The following RTTN variants were observed in gnomAD, a reference collection of about 807,000 sequenced individuals.
RTTN encodes rotatin.
In RTTN, 182 loss-of-function variants were observed where a neutral mutation model predicts 269.2. The ratio of observed to expected loss-of-function variants is 0.68; its 90% CI spans 0.60 to 0.76. The LOEUF (loss-of-function observed/expected upper bound fraction) is 0.76. Among genes scored for constraint, RTTN ranks in the 30% least tolerant of loss-of-function variants. The pLI is 0.00. For missense variants in RTTN, 2,545 were observed against 2,608.6 expected (o/e 0.98, Z 0.53); for synonymous variants, 1,006 against 963.5 (o/e 1.04, Z -0.82).
intron 10 of RTTN, among the ~76,000 whole-genome samples, chr18:70,183,166 T>C (rs1363701775): frequency 6.6e-6 from 1 of 152,220 alleles, no homozygotes; most frequent in Non-Finnish European, 1.5e-5. Context: ...AGAGTCCTAC[T>C]ATACCTGAAA....
At chr18:70,178,705 A>C (rs57305630) in intron 10 of RTTN, among the ~76,000 whole-genome samples, 13,806 of 152,068 alleles carry the variant, frequency 0.091, 1,392 homozygotes, top group African/African-American at 0.25. Flanking sequence ...AAAAAAGAAA[A>C]TAAAATTCTA....
At chr18:70,178,728 G>A (rs1429189581) in intron 10 of RTTN, among the ~76,000 whole-genome samples, 1 of 151,940 alleles carries the variant, frequency 6.6e-6, no homozygotes, top group Non-Finnish European at 1.5e-5. Flanking sequence ...AAAACTTTGT[G>A]AATAAAAGGT....
At position 70,165,991 on chromosome 18, in the gene RTTN, G is replaced by C; in HGVS notation, c.1929+71C>G. On this transcript the variant is annotated intron_variant, in intron 14 of 48. Coordinates refer to ENST00000640769, the MANE Select transcript of RTTN (RefSeq NM_173630.4). ...TCATACAAAAGGTCAAGTAAATTAA[G>C]TTTGAAGGTATAACAAGAGAGTCTA... 3 of 1,475,578 alleles carry C rather than the reference G, an allele frequency of 2.0e-6. No homozygotes were observed. The South Asian group carries it at 3.7e-5, about 18-fold the overall frequency. 91.4% of individuals were successfully genotyped at this position (1,475,578 alleles called of 1,614,324 possible). A position where few individuals can be genotyped will look rare whatever the true frequency, so the allele number is the denominator to read the frequency against.
In RTTN at chr18:70,020,711, G is replaced by A. The variant is rs1299890288; in HGVS notation, c.6057C>T (p.Ser2019=). 6.2e-7 allele frequency: 1 copy of A among 1,613,888 alleles called. No individual in the cohort carries two copies. The highest frequency in any genetic ancestry group is 1.3e-5 in the African/African-American group (1 of 74,882). ...SLMLCILKLA[S]QMPLENTTVQ... is the part of the protein sequence containing the mutation. The stretch of plus-strand genomic sequence containing the variant: ...CCGTGGTGTTCTCCAGTGGCATCTG[G>A]GAAGCCAACTTTAGGATACACAGCA... The change falls in exon 45 of 49, where the codon TCC becomes TCT. Residue 2019 remains serine, a synonymous_variant. Coordinates refer to ENST00000640769, the MANE Select transcript of RTTN (RefSeq NM_173630.4).
At chr18:70,164,678 G>A (rs1470985932) in intron 14 of RTTN, among the ~76,000 whole-genome samples, 1 of 152,010 alleles carries the variant, frequency 6.6e-6, no homozygotes, top group Non-Finnish European at 1.5e-5. Flanking sequence ...AGACACAAAG[G>A]GTAAACTAAG....
intron 28 of RTTN, among the ~76,000 whole-genome samples, chr18:70,098,258 A>G (rs941714339): frequency 6.6e-6 from 1 of 152,212 alleles, no homozygotes; most frequent in Admixed American, 6.5e-5. Flanking sequence ...AAAAGTTAGA[A>G]AGATCTCAAA....
chr18:70,041,473 G>A (rs993827587), intron 40 of RTTN, among the ~76,000 whole-genome samples: 1 of 152,076 alleles, frequency 6.6e-6, no homozygotes, highest in Admixed American at 6.5e-5. Flanking sequence ...ATTCTAAGTG[G>A]TGAGTGGGGA....
At chr18:70,042,449 C>T (rs925817588) in intron 40 of RTTN, among the ~76,000 whole-genome samples, 2 of 138,338 alleles carry the variant, frequency 1.4e-5, no homozygotes, top group African/African-American at 5.4e-5. Flanking sequence ...GATCTCTGCT[C>T]ACTGCAAGCT....
intron 35 of RTTN, among the ~76,000 whole-genome samples, chr18:70,061,044 C>T (rs567366083): frequency 6.6e-5 from 10 of 151,826 alleles, no homozygotes; most frequent in Non-Finnish European, 1.3e-4. Context: ...TCACGAATGG[C>T]GTTGCAATCA....
intron 35 of RTTN, among the ~76,000 whole-genome samples, chr18:70,065,111 T>C (rs1599355317): frequency 6.6e-6 from 1 of 152,112 alleles, no homozygotes; most frequent in South Asian, 2.1e-4. Flanking sequence ...AGTTCAAAGT[T>C]TTAATTCAGC....
At chr18:70,138,841 A>G (rs2060186703) in intron 21 of RTTN, 2 of 152,192 alleles carry the variant, frequency 1.3e-5, no homozygotes, top group Admixed American at 6.5e-5. Flanking sequence ...TATCTCCTAT[A>G]TGCCTGATAA....
chr18:70,069,948 C>A (rs2058250948), intron 34 of RTTN, among the ~76,000 whole-genome samples: 1 of 152,098 alleles, frequency 6.6e-6, no homozygotes, highest in Non-Finnish European at 1.5e-5. Flanking sequence ...TCTATATGCC[C>A]AGGAGCAGGA....
rs386388096 is a variant in RTTN at position 70,196,616 on chromosome 18, T to TCCG, written c.725_726insCGG (p.Gly242dup). 6.2e-7 allele frequency: 1 copy of TCCG among 1,610,682 alleles called. No individual in the cohort carries two copies. Among genetic ancestry groups the TCCG allele is most frequent in the Non-Finnish European group, 8.5e-7 (1 of 1,178,924 alleles). ...GTAATGCCAGGCGATGCTTTCCATC[T>TCCG]CCAAAGGCCAGTTTCAACAGAGATA... On this transcript the variant is annotated inframe_insertion, in exon 7 of 49. Transcript: ENST00000640769.
chr18:70,165,665 A>G (rs2060965616), intron 14 of RTTN, among the ~76,000 whole-genome samples: 1 of 152,092 alleles, frequency 6.6e-6, no homozygotes, highest in Non-Finnish European at 1.5e-5. Context: ...AGAAAAATAA[A>G]TATTTCAAAA....
intron 10 of RTTN, among the ~76,000 whole-genome samples, chr18:70,187,305 A>G (rs2061570068): frequency 6.6e-6 from 1 of 152,164 alleles, no homozygotes; most frequent in Admixed American, 6.5e-5. Flanking sequence ...AGTGTCTATA[A>G]TATACCACCT....
chr18:70,117,163 T>G (rs1005315542), intron 26 of RTTN, among the ~76,000 whole-genome samples: 2 of 152,120 alleles, frequency 1.3e-5, no homozygotes, highest in African/African-American at 4.8e-5. Context: ...AGCATTCTTC[T>G]GACTAATCAG....
intron 35 of RTTN, among the ~76,000 whole-genome samples, chr18:70,060,378 T>C (rs1246495540): frequency 6.6e-6 from 1 of 152,172 alleles, no homozygotes; most frequent in Non-Finnish European, 1.5e-5. Context: ...ATCCTTTTTC[T>C]GAAACTCGAG....
rs1413946679 is a variant in RTTN at position 70,078,580 on chromosome 18, T to TAC, written c.4375-3041_4375-3040dup. The stretch of plus-strand genomic sequence containing the variant: ...AATTATATTTTTATATATACATATA[T>TAC]ACACACACACATATACATGTATACA... On this transcript the variant is annotated intron_variant, in intron 32 of 48. Coordinates refer to ENST00000640769, the MANE Select transcript of RTTN (RefSeq NM_173630.4). Among the ~76,000 whole-genome samples the TAC allele has an allele frequency of 8.4e-4, 127 of 152,020 alleles. 1 individual carries two copies. The highest frequency in any genetic ancestry group is 2.9e-3 in the African/African-American group (121 of 41,506).
intron 9 of RTTN, among the ~76,000 whole-genome samples, chr18:70,188,942 T>G (rs1312178314): frequency 6.6e-6 from 1 of 152,210 alleles, no homozygotes; most frequent in East Asian, 1.9e-4. Flanking sequence ...AGATTAATTT[T>G]TTCACTAGAA....
Sources: gnomAD v4.1 joint callset for allele counts (sites outside exome capture counted in the v4.1 genomes callset) on GRCh38, gnomAD v4.1.1 for gene constraint, MANE v1.5 for transcripts, NCBI Gene and HGNC (gene_info 2026-07-23, HGNC 2026-07-21) for gene names.